Variants in RECQL5 observed in about 807,000 individuals in gnomAD.
The protein encoded by RECQL5 is RecQ like helicase 5, also known as ATP-dependent DNA helicase Q5.
RECQL5 carries 88 observed loss-of-function variants against 103.4 expected under a neutral mutation model. The ratio of observed to expected loss-of-function variants is 0.85; its 90% CI spans 0.72 to 1.02. The LOEUF is 1.02. Among genes scored for constraint, RECQL5 ranks in the 50% least tolerant of loss-of-function variants. The pLI is 0.00. For missense variants in RECQL5, 1,232 were observed against 1,284.3 expected (o/e 0.96, Z 0.62); for synonymous variants, 552 against 507.9 (o/e 1.09, Z -1.17).
rs2059713523 is a variant in RECQL5, at chr17:75,662,554, C to A, written c.696G>T (p.Lys232Asn). ...TCCCATAGGGATCAGAAATCAGTTC[C>A]TTGAATTGCACATCATAGAAGAGGT... ...RANLFYDVQFKELISDPYGNL... is the reference protein window; with the variant it reads ...RANLFYDVQFNELISDPYGNL... Residue 232 changes from lysine (K) to asparagine (N), a missense_variant, in exon 4 of 20, where the codon AAG becomes AAT. By Grantham distance (94) the Lys-to-Asn change is moderately conservative. Transcript: ENST00000317905. 1 of 1,614,194 alleles carries A rather than the reference C, an allele frequency of 6.2e-7. No homozygotes were observed. The highest frequency in any genetic ancestry group is 8.5e-7 in the Non-Finnish European group (1 of 1,180,036).
At chr17:75,659,766 T>C (rs1284083855) in intron 6 of RECQL5, among the ~76,000 whole-genome samples, 1 of 152,222 alleles carries the variant, frequency 6.6e-6, no homozygotes, top group Non-Finnish European at 1.5e-5. Context: ...AGACCATGTA[T>C]GCAAACATGC....
chr17:75,662,365 A>G, intron 4 of RECQL5, 114 bp downstream of exon 4: 3 of 1,150,446 alleles, frequency 2.6e-6, no homozygotes, highest in Non-Finnish European at 3.7e-6. Flanking sequence ...CACAAGTTTT[A>G]GGAAGCCTGG....
In RECQL5 at chr17:75,663,756, T is replaced by A. The variant is rs186967175; in HGVS notation, c.253-759A>T. On this transcript the variant is annotated intron_variant, in intron 3 of 19. Transcript: ENST00000317905. ...TAACTTAAAATTTACATCTGAGAGGTGAAATTAACGTATGTAAGCCGGGCG... is the reference window on the plus strand; with the variant it reads ...TAACTTAAAATTTACATCTGAGAGGAGAAATTAACGTATGTAAGCCGGGCG... 8.2e-4 allele frequency among the ~76,000 whole-genome samples: 124 copies of A among 152,136 alleles called. 2 individuals carry two copies. The South Asian group carries it at 0.017, about 21-fold the overall frequency.
intron 8 of RECQL5, among the ~76,000 whole-genome samples, chr17:75,634,615 C>G (rs2059284487): frequency 1.3e-5 from 2 of 152,214 alleles, no homozygotes; most frequent in African/African-American, 4.8e-5. Context: ...GAGGTCAGCG[C>G]AGGGTCTGCC....
At chr17:75,634,605 G>A (rs1033306122) in intron 8 of RECQL5, among the ~76,000 whole-genome samples, 1 of 152,210 alleles carries the variant, frequency 6.6e-6, no homozygotes, top group East Asian at 1.9e-4. Flanking sequence ...GAGCCCTGTC[G>A]AGGTCAGCGC....
rs1347610459 is a variant in RECQL5, at chr17:75,631,661, G to A, written c.1237C>T (p.His413Tyr). The change falls in exon 9 of 20, where the codon CAT (histidine) becomes TAT (tyrosine). Residue 413 changes from histidine (H) to tyrosine (Y), a missense_variant. His to Tyr is a moderately conservative substitution (Grantham distance 83). Coordinates refer to ENST00000317905, the MANE Select transcript of RECQL5 (RefSeq NM_004259.7). The stretch of plus-strand genomic sequence containing the variant: ...CCGAAGTACTTGGCAATGGCGGCAT[G>A]GCGGCACCTGGAGCAGGCAGCACCG... The part of the protein sequence containing the change: ...VTFCEELGCR[H>Y]AAIAKYFGDA... 1 of 1,610,710 alleles carries A rather than the reference G, an allele frequency of 6.2e-7. No homozygotes were observed. The highest frequency in any genetic ancestry group is 8.5e-7 in the Non-Finnish European group (1 of 1,179,604).
intron 18 of RECQL5, among the ~76,000 whole-genome samples, chr17:75,627,912 G>A (rs970896969): frequency 5.9e-5 from 9 of 151,968 alleles, no homozygotes; most frequent in South Asian, 2.1e-4. Flanking sequence ...CCAGCTACTC[G>A]GGAGGCTGAG....
At chr17:75,653,719 T>G (rs1184776665) in intron 7 of RECQL5, among the ~76,000 whole-genome samples, 1 of 151,990 alleles carries the variant, frequency 6.6e-6, no homozygotes, top group Non-Finnish European at 1.5e-5. Flanking sequence ...GCCAATGTGG[T>G]GAAACCTGTC....
chr17:75,661,442 A>G (rs866962659), intron 5 of RECQL5, among the ~76,000 whole-genome samples, 164 bp downstream of exon 5: 1 of 152,190 alleles, frequency 6.6e-6, no homozygotes, highest in Non-Finnish European at 1.5e-5. Context: ...GACCTCATTC[A>G]TGTCTAGACT....
rs1161828456 is a variant in RECQL5 at position 75,629,828 on chromosome 17, G to A, written c.1827C>T (p.His609=). 6.2e-7 allele frequency: 1 copy of A among 1,609,720 alleles called. No individual in the cohort carries two copies. Among genetic ancestry groups the A allele is most frequent in the Non-Finnish European group, 8.5e-7 (1 of 1,177,346 alleles). ...AGGGCTGCCCATCCTTGGAGGCTCT[G>A]TGGATATCGGCCACCTGGGCAGGGA... The part of the protein sequence containing the change: ...ASVLKKVADI[H]RASKDGQPYD... Residue 609 remains histidine, a synonymous_variant, in exon 15 of 20, where the codon CAC becomes CAT. Transcript: ENST00000317905.
At chr17:75,661,450 A>G (rs1008938127) in intron 5 of RECQL5, among the ~76,000 whole-genome samples, 156 bp downstream of exon 5, 3 of 152,042 alleles carry the variant, frequency 2.0e-5, no homozygotes, top group African/African-American at 7.2e-5. Flanking sequence ...TCATGTCTAG[A>G]CTCCTTTTAG....
At position 75,628,504 on chromosome 17, in the gene RECQL5, T is replaced by C. The variant is rs549306508; in HGVS notation, c.2581-62A>G. 23 of 1,567,710 alleles carry C rather than the reference T, an allele frequency of 1.5e-5. No homozygotes were observed. In the African/African-American group the frequency reaches 3.0e-4, roughly 20 times the overall value. On this transcript the variant is annotated intron_variant, in intron 17 of 19. Transcript: ENST00000317905. ...CCCTTCCACTGGCCTGCTCCCCTCC[T>C]CCAGAAGACTGGGTCCCCGCACCAG...
chr17:75,661,183 C>T, intron 5 of RECQL5, 117 bp from the exon 6 acceptor site: 1 of 775,512 alleles, frequency 1.3e-6, no homozygotes, highest in Admixed American at 2.0e-5. Flanking sequence ...TCTTTCACTT[C>T]CCAGCTGTCT....
rs373979777 is a variant in RECQL5 at position 75,640,366 on chromosome 17, G to A, written c.1230-8698C>T. 1.3e-6 allele frequency: 2 copies of A among 1,503,098 alleles called. No homozygotes were observed. The highest frequency in any genetic ancestry group is 2.2e-5 in the Admixed American group (1 of 44,510). 93.1% of individuals were successfully genotyped at this position (1,503,098 alleles called of 1,614,324 possible). A position where few individuals can be genotyped will look rare whatever the true frequency, so the allele number is the denominator to read the frequency against. On this transcript the variant is annotated intron_variant, in intron 8 of 19. Coordinates refer to ENST00000317905, the MANE Select transcript of RECQL5 (RefSeq NM_004259.7). This position sits in a 1 kb window ranked among gnomAD's most constrained non-coding sequence, Gnocchi z 4.6. ...ACTCAGCACCCCATGGCTCTCCCTGGCATCTGGGAGAGACCACACCATGGT... is the reference window on the plus strand; with the variant it reads ...ACTCAGCACCCCATGGCTCTCCCTGACATCTGGGAGAGACCACACCATGGT...
chr17:75,664,912 CAAAAAAAAAAA>C (rs371470695), intron 3 of RECQL5, 128 bp downstream of exon 3: 2 of 924,328 alleles, frequency 2.2e-6, no homozygotes, highest in Non-Finnish European at 2.8e-6. Context: ...GACTCTGTCT[CAAAAAAAAAAA>C]AAAAAAAGGA....
At chr17:75,663,456 A>AC (rs2059725881) in intron 3 of RECQL5, among the ~76,000 whole-genome samples, 1 of 152,170 alleles carries the variant, frequency 6.6e-6, no homozygotes, top group Non-Finnish European at 1.5e-5. Context: ...TTTGACCGCA[A>AC]CCCATCACAT....
chr17:75,660,506 C>T (rs907291582), intron 6 of RECQL5, among the ~76,000 whole-genome samples: 4 of 152,338 alleles, frequency 2.6e-5, no homozygotes, highest in East Asian at 1.9e-4. Flanking sequence ...GTGTTAACTG[C>T]ACTGAATATT....
chr17:75,638,992 G>A (rs1008699209), intron 8 of RECQL5: 1 of 152,354 alleles, frequency 6.6e-6, no homozygotes, highest in African/African-American at 2.4e-5. Flanking sequence ...TGCAGTGGGT[G>A]GGCTGCCTCA....
chr17:75,650,214 T>C (rs897829553), intron 8 of RECQL5: 3 of 989,980 alleles, frequency 3.0e-6, no homozygotes, highest in African/African-American at 3.5e-5. Context: ...GTCCTGGCAC[T>C]GCAGCCGACC....
Sources: gnomAD v4.1 joint callset for allele counts (sites outside exome capture counted in the v4.1 genomes callset) on GRCh38, gnomAD v4.1.1 for gene constraint, Gnocchi (gnomAD v3.1) non-coding constraint, MANE v1.5 for transcripts, NCBI Gene and HGNC (gene_info 2026-07-23, HGNC 2026-07-21) for gene names.